The following RAB44 variants were observed in gnomAD, a reference collection of about 807,000 sequenced individuals.
RAB44 encodes RAB44, member RAS oncogene family.
A neutral mutation model predicts 93.3 loss-of-function variants in RAB44; 67 were observed. The observed-to-expected ratio is 0.72, with a 90% CI of 0.59 to 0.88. The LOEUF is 0.88. Ranked by LOEUF, RAB44 falls within the 40% of genes least tolerant of loss-of-function variation. RAB44 has a pLI of 0.00. For synonymous variants in RAB44, 427 were observed against 520.3 expected, an observed-to-expected ratio of 0.82 and a Z score of 2.44; for missense variants, 1,064 against 1,261.7, an observed-to-expected ratio of 0.84 and a Z score of 2.37.
rs1024201586 is a variant in RAB44 at position 36,717,501 on chromosome 6, C to T, written c.641+82C>T. Reference sequence around the variant, plus strand: ...GTGGAATCTGGTTGAATTTCCCCAGCTCCTCCTGCAGCTGGGCCTGTGAGC... The same window carrying T: ...GTGGAATCTGGTTGAATTTCCCCAGTTCCTCCTGCAGCTGGGCCTGTGAGC... On this transcript the variant is annotated intron_variant, in intron 5 of 13. Coordinates refer to ENST00000612677, the MANE Select transcript of RAB44 (RefSeq NM_001257357.2). This position sits in a 1 kb window ranked among gnomAD's most constrained non-coding sequence, Gnocchi z 4.1. 1.6e-6 allele frequency: 2 copies of T among 1,219,572 alleles called. No homozygotes were observed. Among genetic ancestry groups the T allele is most frequent in the Non-Finnish European group, 2.0e-6 (2 of 977,452 alleles). 75.5% of individuals were successfully genotyped at this position (1,219,572 alleles called of 1,614,324 possible).
At chr6:36,706,926 G>C (rs1762664341) in intron 2 of RAB44, among the ~76,000 whole-genome samples, 1 of 152,028 alleles carries the variant, frequency 6.6e-6, no homozygotes, top group Admixed American at 6.6e-5. Flanking sequence ...CAGGGTTGCG[G>C]GTTTCTCCAT....
Position 36,714,037 on chromosome 6 carries a change from C to T in RAB44, c.319+98C>T, listed in dbSNP as rs953618566. Reference sequence around the variant, plus strand: ...GGTCGTTAGAAAGGCAACCCTTTTCCCAGGGACTTTCACCCCCCATCCCCG... The same window carrying T: ...GGTCGTTAGAAAGGCAACCCTTTTCTCAGGGACTTTCACCCCCCATCCCCG... On this transcript the variant is annotated intron_variant, in intron 3 of 13. Coordinates refer to ENST00000612677, the MANE Select transcript of RAB44 (RefSeq NM_001257357.2). The T allele has an allele frequency of 3.3e-5, 25 of 763,864 alleles. No individual in the cohort carries two copies. The African/African-American group carries it at 4.3e-4, about 13-fold the overall frequency. 47.3% of individuals were successfully genotyped at this position (763,864 alleles called of 1,614,324 possible).
At position 36,721,450 on chromosome 6, in the gene RAB44, C is replaced by T. The variant is rs1281564828; in HGVS notation, c.1316C>T (p.Thr439Ile). Reference protein sequence around the residue: ...DGAPRTPPGVTFSAKDNKGVD... With the variant: ...DGAPRTPPGVIFSAKDNKGVD... ...GCTCCAAGGACCCCACCTGGGGTGACTTTCAGCGCCAAGGACAATAAAGGA... is the reference window on the plus strand; with the variant it reads ...GCTCCAAGGACCCCACCTGGGGTGATTTTCAGCGCCAAGGACAATAAAGGA... The change falls in exon 9 of 14, where the codon ACT becomes ATT. Residue 439 changes from threonine to isoleucine, a missense_variant. Transcript: ENST00000612677. The T allele has an allele frequency of 8.1e-7, 1 of 1,234,462 alleles. No homozygotes were observed. The highest frequency in any genetic ancestry group is 1.0e-6 in the Non-Finnish European group (1 of 988,258). 76.5% of individuals were successfully genotyped at this position (1,234,462 alleles called of 1,614,324 possible).
At chr6:36,730,028 C>T (rs1018642263) in intron 12 of RAB44, among the ~76,000 whole-genome samples, 2 of 152,096 alleles carry the variant, frequency 1.3e-5, no homozygotes, top group Non-Finnish European at 2.9e-5. Context: ...CATTAAGAAT[C>T]CTGTCTTGGA....
intron 12 of RAB44, among the ~76,000 whole-genome samples, chr6:36,729,796 T>C (rs1195889318): frequency 1.3e-5 from 2 of 152,200 alleles, no homozygotes; most frequent in Non-Finnish European, 2.9e-5. Flanking sequence ...TTCTTAAAAG[T>C]AGTAACTCAT....
At chr6:36,727,048 G>GA (rs1554190330) in intron 10 of RAB44, among the ~76,000 whole-genome samples, 1 of 152,144 alleles carries the variant, frequency 6.6e-6, no homozygotes, top group Non-Finnish European at 1.5e-5. Context: ...TGATCCTCCT[G>GA]CCTCAGCCTC....
At chr6:36,710,027 A>C (rs997315139) in intron 2 of RAB44, among the ~76,000 whole-genome samples, 1 of 152,254 alleles carries the variant, frequency 6.6e-6, no homozygotes, top group Admixed American at 6.5e-5. Flanking sequence ...CTTTTAAAAA[A>C]AGTGGTCAAA....
Position 36,728,705 on chromosome 6 carries a change from AG to A in RAB44, c.2805del (p.Ser936ArgfsTer52), listed in dbSNP as rs1763293273. On this transcript the variant is annotated frameshift_variant, in exon 12 of 14. Coordinates refer to ENST00000612677, the MANE Select transcript of RAB44 (RefSeq NM_001257357.2). LOFTEE classifies it high-confidence loss of function. Reference protein sequence around the residue: ...RYWLDCLQDAGSDGVVILLLG... With the variant: ...RYWLDCLQDAXSDGVVILLLG... ...AGAACATGTTCTGTGTGCAGGATGCAGGGTCGGATGGGGTGGTCATCCTTCT... is the reference window on the plus strand; with the variant it reads ...AGAACATGTTCTGTGTGCAGGATGCAGGTCGGATGGGGTGGTCATCCTTCT... The A allele has an allele frequency of 6.5e-7, 1 of 1,550,362 alleles. No individual in the cohort carries two copies. Among genetic ancestry groups the A allele is most frequent in the Admixed American group, 2.0e-5 (1 of 50,980 alleles).
At chr6:36,726,627 A>G (rs1467327342) in intron 10 of RAB44, among the ~76,000 whole-genome samples, 1 of 152,216 alleles carries the variant, frequency 6.6e-6, no homozygotes, top group Non-Finnish European at 1.5e-5. Flanking sequence ...TCATATGACT[A>G]TAATAACAAA....
At chr6:36,709,339 A>G (rs1465360285) in intron 2 of RAB44, among the ~76,000 whole-genome samples, 1 of 152,236 alleles carries the variant, frequency 6.6e-6, no homozygotes, top group Admixed American at 6.5e-5. Flanking sequence ...AGACTCAGGC[A>G]TTATAAATCA....
rs1455050885 is a variant in RAB44 at position 36,725,877 on chromosome 6, T to A, written c.2615T>A (p.Val872Asp). Residue 872 changes from valine (V) to aspartate (D), a missense_variant, in exon 10 of 14, where the codon GTC becomes GAC. Transcript: ENST00000612677. ...TGTGTCCTAGGAGTAGATTTTCGGG[T>A]CAAAACCTTGCTGGTGGACAACAAG... ...LTATVGVDFR[V>D]KTLLVDNKCF... The A allele has an allele frequency of 1.9e-6, 3 of 1,550,468 alleles. No homozygotes were observed. Among genetic ancestry groups the A allele is most frequent in the African/African-American group, 1.4e-5 (1 of 73,030 alleles).
intron 3 of RAB44, 143 bp downstream of exon 3, chr6:36,714,082 G>T (rs1313157677): frequency 1.6e-6 from 1 of 629,100 alleles, no homozygotes; most frequent in African/African-American, 1.8e-5. Context: ...GTGGTCCGGG[G>T]CCCTCCCCTG....
Position 36,722,225 on chromosome 6 carries a change from G to A in RAB44, c.2091G>A (p.Ser697=), listed in dbSNP as rs1010384706. 33 of 1,260,894 alleles carry A rather than the reference G, an allele frequency of 2.6e-5. No individual in the cohort carries two copies. The Middle Eastern group carries it at 8.1e-4, about 31-fold the overall frequency. 78.1% of individuals were successfully genotyped at this position (1,260,894 alleles called of 1,614,324 possible). A position where few individuals can be genotyped will look rare whatever the true frequency, so the allele number is the denominator to read the frequency against. The change falls in exon 9 of 14, where the codon TCG becomes TCA. Residue 697 remains serine, a synonymous_variant. Transcript: ENST00000612677. Reference sequence around the variant, plus strand: ...TCAGTTCAGAGCAGTCAGAGCAGTCGGTTGAGGCTCACGGCCTAGAAACTG... The same window carrying A: ...TCAGTTCAGAGCAGTCAGAGCAGTCAGTTGAGGCTCACGGCCTAGAAACTG... ...QDLSSEQSEQ[S]VEAHGLETAH...
Position 36,717,980 on chromosome 6 carries a change from C to T in RAB44, c.642-48C>T. The T allele has an allele frequency of 1.7e-6, 2 of 1,165,500 alleles. No homozygotes were observed. Among genetic ancestry groups the T allele is most frequent in the Non-Finnish European group, 2.2e-6 (2 of 927,064 alleles). The allele number at this position is 1,165,500 out of a possible 1,614,324, so 72.2% of individuals were successfully genotyped here. ...AGACTGCCCCTGCCAGCAGCAGGCTCCCAGAGGTGCTGATGGGCTGCCTGG... is the reference window on the plus strand; with the variant it reads ...AGACTGCCCCTGCCAGCAGCAGGCTTCCAGAGGTGCTGATGGGCTGCCTGG... On this transcript the variant is annotated intron_variant, in intron 5 of 13. Coordinates refer to ENST00000612677, the MANE Select transcript of RAB44 (RefSeq NM_001257357.2). The surrounding 1 kb of genome is among the most constrained non-coding windows in gnomAD (Gnocchi z 4.1).
Position 36,713,867 on chromosome 6 carries a change from G to C in RAB44, c.247G>C (p.Glu83Gln). Reference protein sequence around the residue: ...FSFLGSKEESEMIFDWVDVER... With the variant: ...FSFLGSKEESQMIFDWVDVER... ...CTTCCTGGGCAGCAAGGAAGAGTCA[G>C]AGATGATCTTCGACTGGGTGGATGT... The change falls in exon 3 of 14, where the codon GAG (glutamate) becomes CAG (glutamine). Residue 83 changes from glutamate to glutamine, a missense_variant. Transcript: ENST00000612677. 6.5e-7 allele frequency: 1 copy of C among 1,536,138 alleles called. No homozygotes were observed. The highest frequency in any genetic ancestry group is 8.7e-7 in the Non-Finnish European group (1 of 1,146,880).
chr6:36,702,576 C>A (rs1239365695), intron 1 of RAB44, among the ~76,000 whole-genome samples: 3 of 152,220 alleles, frequency 2.0e-5, no homozygotes, highest in Admixed American at 6.5e-5. Context: ...ATCTCCTGGG[C>A]ATGAGCCTTA....
At chr6:36,724,649 C>T (rs1029833235) in intron 9 of RAB44, among the ~76,000 whole-genome samples, 2 of 149,084 alleles carry the variant, frequency 1.3e-5, no homozygotes, top group African/African-American at 5.0e-5. Flanking sequence ...ACCAACCAAC[C>T]AATCAACCAA....
At chr6:36,719,627 G>A (rs1421981387) in intron 7 of RAB44, among the ~76,000 whole-genome samples, 1 of 152,188 alleles carries the variant, frequency 6.6e-6, no homozygotes, top group East Asian at 1.9e-4. Context: ...CAGGGAAGGG[G>A]GATAGAAGAG....
chr6:36,718,276 T>G (rs1429291854), intron 6 of RAB44, among the ~76,000 whole-genome samples, 158 bp downstream of exon 6: 1 of 152,144 alleles, frequency 6.6e-6, no homozygotes, highest in Non-Finnish European at 1.5e-5. Flanking sequence ...AGAGACGAGG[T>G]GGGGAGTGTC....
Sources: gnomAD v4.1 joint callset for allele counts (sites outside exome capture counted in the v4.1 genomes callset) on GRCh38, gnomAD v4.1.1 for gene constraint, Gnocchi (gnomAD v3.1) non-coding constraint, MANE v1.5 for transcripts, NCBI Gene and HGNC (gene_info 2026-07-23, HGNC 2026-07-21) for gene names.